The following WDR70 variants were observed in gnomAD, a reference collection of about 807,000 sequenced individuals.
WDR70 encodes WD repeat domain 70, also known as WD repeat-containing protein 70.
In WDR70, 53 loss-of-function variants were observed where a neutral mutation model predicts 88.6. The ratio of observed to expected loss-of-function variants is 0.60; its 90% CI spans 0.48 to 0.75. WDR70 has a LOEUF of 0.75. Ranked by LOEUF, WDR70 falls within the 30% of genes least tolerant of loss-of-function variation. The pLI is 0.00. For missense variants in WDR70, 610 were observed against 823.2 expected (o/e 0.74, Z 3.17); for synonymous variants, 280 against 270.0 (o/e 1.04, Z -0.36).
At chr5:37,642,252 A>AT (rs997145023) in intron 10 of WDR70, among the ~76,000 whole-genome samples, 1 of 151,598 alleles carries the variant, frequency 6.6e-6, no homozygotes, top group Non-Finnish European at 1.5e-5. Flanking sequence ...TATTAACTCT[A>AT]TTTTTTCTTT....
intron 4 of WDR70, among the ~76,000 whole-genome samples, chr5:37,392,404 G>A (rs1292984594): frequency 2.6e-5 from 4 of 151,640 alleles, no homozygotes; most frequent in Non-Finnish European, 5.9e-5. Flanking sequence ...GGGTGGTCTC[G>A]AACTCCTGAC....
intron 10 of WDR70, among the ~76,000 whole-genome samples, chr5:37,677,530 T>G (rs1171336860): frequency 6.6e-6 from 1 of 152,232 alleles, no homozygotes; most frequent in East Asian, 1.9e-4. Context: ...TCAGTTTCCA[T>G]GTAGTTGAGC....
intron 9 of WDR70, among the ~76,000 whole-genome samples, chr5:37,530,006 A>G (rs570277865): frequency 3.3e-5 from 5 of 152,150 alleles, no homozygotes; most frequent in South Asian, 4.1e-4. Context: ...TTCTATGTCA[A>G]TTTTGCTGAG....
intron 10 of WDR70, among the ~76,000 whole-genome samples, chr5:37,670,055 T>C (rs2112591389): frequency 6.6e-6 from 1 of 152,252 alleles, no homozygotes; most frequent in East Asian, 1.9e-4. Flanking sequence ...CTCATGTGTA[T>C]GGGGTTTCCT....
rs574978199 is a variant in WDR70 at position 37,444,722 on chromosome 5, C to T, written c.686+1350C>T. Among the ~76,000 whole-genome samples, 284 of 152,286 alleles carry T rather than the reference C, an allele frequency of 1.9e-3. 1 individual carries two copies. The highest frequency in any genetic ancestry group is 0.011 in the South Asian group (51 of 4,820). On this transcript the variant is annotated intron_variant, in intron 7 of 17. Coordinates refer to ENST00000265107, the MANE Select transcript of WDR70 (RefSeq NM_018034.4). ...TTTCTTATGGTATCATTTAACTCAA[C>T]GGTCCCCAATCTTTTTTGCACCAGT...
chr5:37,740,257 C>A (rs1404333613), intron 17 of WDR70, among the ~76,000 whole-genome samples: 1 of 152,120 alleles, frequency 6.6e-6, no homozygotes, highest in Non-Finnish European at 1.5e-5. Context: ...TTTAAAATGT[C>A]CTAGATAGCT....
Position 37,381,730 on chromosome 5 carries a change from G to A in WDR70, c.175+45G>A, listed in dbSNP as rs776928888. 1.1e-5 allele frequency: 17 copies of A among 1,563,746 alleles called. No individual in the cohort carries two copies. The South Asian group carries it at 1.7e-4, about 15-fold the overall frequency. On this transcript the variant is annotated intron_variant, in intron 3 of 17. Coordinates refer to ENST00000265107, the MANE Select transcript of WDR70 (RefSeq NM_018034.4). ...GTTCTTTTATTGGTTTAAGTACTATGTATACCTCATGCAAGTATATTAAAA... is the reference window on the plus strand; with the variant it reads ...GTTCTTTTATTGGTTTAAGTACTATATATACCTCATGCAAGTATATTAAAA...
intron 7 of WDR70, among the ~76,000 whole-genome samples, chr5:37,463,506 A>G (rs1339736031): frequency 6.6e-6 from 1 of 152,072 alleles, no homozygotes; most frequent in Non-Finnish European, 1.5e-5. Context: ...AACTACTTAA[A>G]AGGATCCTCA....
chr5:37,581,900 G>A (rs1247281471), intron 9 of WDR70, among the ~76,000 whole-genome samples: 1 of 151,924 alleles, frequency 6.6e-6, no homozygotes, highest in Non-Finnish European at 1.5e-5. Flanking sequence ...AATATTAGGG[G>A]GCATGTCCCT....
intron 10 of WDR70, among the ~76,000 whole-genome samples, chr5:37,688,691 T>C (rs1447869441): frequency 2.1e-5 from 2 of 93,334 alleles, no homozygotes; most frequent in Non-Finnish European, 5.2e-5. Flanking sequence ...AGAATGATCA[T>C]TTAAAAATAA....
At chr5:37,486,641 G>A (rs185241622) in intron 8 of WDR70, among the ~76,000 whole-genome samples, 5 of 152,202 alleles carry the variant, frequency 3.3e-5, no homozygotes, top group Non-Finnish European at 7.4e-5. Flanking sequence ...CACCATGCCC[G>A]GCCTTGACTT....
chr5:37,526,652 G>T (rs1391112949), intron 9 of WDR70, among the ~76,000 whole-genome samples: 1 of 152,180 alleles, frequency 6.6e-6, no homozygotes, highest in Non-Finnish European at 1.5e-5. Context: ...GCAGGAGAAA[G>T]AAATACAGGG....
At chr5:37,559,083 G>A (rs924378877) in intron 9 of WDR70, among the ~76,000 whole-genome samples, 1 of 151,854 alleles carries the variant, frequency 6.6e-6, no homozygotes, top group South Asian at 2.1e-4. Flanking sequence ...ACCGGTGCCC[G>A]CCACCATGCC....
At chr5:37,512,666 C>T (rs866528467) in intron 8 of WDR70, among the ~76,000 whole-genome samples, 3 of 151,406 alleles carry the variant, frequency 2.0e-5, no homozygotes, top group African/African-American at 4.9e-5. Context: ...ACTGCAGCCT[C>T]GACCTCTTGG....
At chr5:37,557,951 A>AAGAGTACTCTTTTGAAAACTCTTCAAT (rs1742349484) in intron 9 of WDR70, among the ~76,000 whole-genome samples, 1 of 146,936 alleles carries the variant, frequency 6.8e-6, no homozygotes. Context: ...TACTCTTCAA[A>AAGAGTACTCTTTTGAAAACTCTTCAAT]AGAGTATTAT....
chr5:37,494,337 T>C (rs1337094282), intron 8 of WDR70, among the ~76,000 whole-genome samples: 3 of 152,142 alleles, frequency 2.0e-5, no homozygotes, highest in African/African-American at 7.2e-5. Flanking sequence ...ACTGGAAGAA[T>C]TATGGAAGTA....
At chr5:37,730,290 T>C (rs1431509948) in intron 17 of WDR70, among the ~76,000 whole-genome samples, 1 of 152,194 alleles carries the variant, frequency 6.6e-6, no homozygotes, top group Non-Finnish European at 1.5e-5. Context: ...TTTATAAATA[T>C]GTCAGCAACT....
chr5:37,728,364 C>CAAAAAAAAAAAAAAAAA (rs5867361), intron 17 of WDR70, among the ~76,000 whole-genome samples: 1 of 134,318 alleles, frequency 7.4e-6, no homozygotes. Flanking sequence ...AAAAAAAAAA[C>CAAAAAAAAAAAAAAAAA]AAAAAAAAAA....
chr5:37,733,661 T>C (rs1748218788), intron 17 of WDR70, among the ~76,000 whole-genome samples: 1 of 136,562 alleles, frequency 7.3e-6, no homozygotes, highest in Non-Finnish European at 1.6e-5. Context: ...AGAATGTGTC[T>C]ATCTATTCTT....
Sources: gnomAD v4.1 joint callset for allele counts (sites outside exome capture counted in the v4.1 genomes callset) on GRCh38, gnomAD v4.1.1 for gene constraint, MANE v1.5 for transcripts, NCBI Gene and HGNC (gene_info 2026-07-23, HGNC 2026-07-21) for gene names.